The following DAB2IP variants were observed in gnomAD, a reference collection of about 807,000 sequenced individuals.
DAB2IP encodes DAB2 interacting protein.
Under a neutral mutation model 107.2 loss-of-function variants are expected in DAB2IP, and 28 were observed. The observed-to-expected ratio is 0.26, with a 90% CI of 0.19 to 0.36. DAB2IP has a LOEUF of 0.36. Among genes scored for constraint, DAB2IP ranks in the 10% least tolerant of loss-of-function variants. The pLI, the probability that DAB2IP is intolerant of heterozygous loss-of-function variation, is 1.00. For missense variants in DAB2IP, 1,400 were observed against 1,644.7 expected (o/e 0.85, Z 2.57); for synonymous variants, 755 against 706.4 (o/e 1.07, Z -1.09).
intron 11 of DAB2IP, among the ~76,000 whole-genome samples, chr9:121,771,213 C>G (rs1232314818): frequency 1.3e-5 from 2 of 152,178 alleles, no homozygotes; most frequent in Admixed American, 6.5e-5. Context: ...TAAAGTGATG[C>G]TGAGACCCAG....
chr9:121,689,094 A>G (rs1221712851), intron 2 of DAB2IP, among the ~76,000 whole-genome samples: 1 of 152,126 alleles, frequency 6.6e-6, no homozygotes, highest in Non-Finnish European at 1.5e-5. Context: ...GGAGTTCTAG[A>G]CCAGCATGGT....
intron 1 of DAB2IP, among the ~76,000 whole-genome samples, chr9:121,670,284 A>G (rs1833623921): frequency 1.3e-5 from 2 of 152,224 alleles, no homozygotes; most frequent in African/African-American, 4.8e-5. Flanking sequence ...GTAGTATTCC[A>G]TACTGTGTGT....
chr9:121,599,907 G>A lies in DAB2IP; in HGVS notation c.40+32679G>A, dbSNP rs1446138342. Among the ~76,000 whole-genome samples, 1 of 152,114 alleles carries A rather than the reference G, an allele frequency of 6.6e-6. No homozygotes were observed. Among genetic ancestry groups the A allele is most frequent in the Non-Finnish European group, 1.5e-5 (1 of 68,006 alleles). On this transcript the variant is annotated intron_variant, in intron 1 of 16. Transcript: ENST00000259371. This position sits in a 1 kb window ranked among gnomAD's most constrained non-coding sequence, Gnocchi z 6.9. The stretch of plus-strand genomic sequence containing the variant: ...GGACTGAGGAATGGGCGGCGACTTT[G>A]CTTTATTTACCCCGCTTTTCCCCTA...
chr9:121,744,375 G>T (rs1589625369), intron 3 of DAB2IP, among the ~76,000 whole-genome samples: 1 of 152,172 alleles, frequency 6.6e-6, no homozygotes. Context: ...CTTTGGTGTG[G>T]TAGCGTCTTT....
Position 121,651,595 on chromosome 9 carries a change from G to A in DAB2IP, c.-181G>A. 5.1e-6 allele frequency: 5 copies of A among 980,516 alleles called. No homozygotes were observed. The highest frequency in any genetic ancestry group is 6.2e-6 in the Non-Finnish European group (5 of 812,616). 60.7% of individuals were successfully genotyped at this position (980,516 alleles called of 1,614,324 possible). ...CCCCGCCGCGGGGCCGGCTGCTCGGGGAGCGGGAGGGGGCAGGAGGCGGAG... is the reference window on the plus strand; with the variant it reads ...CCCCGCCGCGGGGCCGGCTGCTCGGAGAGCGGGAGGGGGCAGGAGGCGGAG... On this transcript the variant is annotated 5_prime_UTR_variant, in exon 1 of 16. Transcript: ENST00000408936. This position sits in a 1 kb window ranked among gnomAD's most constrained non-coding sequence, Gnocchi z 5.1.
chr9:121,699,399 C>T lies in DAB2IP; in HGVS notation c.303C>T (p.Ser101=). ...AGCCCAAGCTGGACCGCAACCACAG[C>T]TTCCGCCACATCCTGCCGGGGTTCC... The change falls in exon 3 of 16, where the codon AGC becomes AGT. Residue 101 remains serine, a synonymous_variant. Transcript: ENST00000408936. The surrounding 1 kb of genome is among the most constrained non-coding windows in gnomAD (Gnocchi z 6.2). 6.8e-7 allele frequency: 1 copy of T among 1,478,524 alleles called. No individual in the cohort carries two copies. The highest frequency in any genetic ancestry group is 9.0e-7 in the Non-Finnish European group (1 of 1,105,502). 91.6% of individuals were successfully genotyped at this position (1,478,524 alleles called of 1,614,324 possible). A position where few individuals can be genotyped will look rare whatever the true frequency, so the allele number is the denominator to read the frequency against.
intron 1 of DAB2IP, among the ~76,000 whole-genome samples, chr9:121,585,440 T>C (rs1421005076): frequency 1.3e-5 from 2 of 152,150 alleles, no homozygotes; most frequent in African/African-American, 4.8e-5. Flanking sequence ...ATGTAATGAG[T>C]TGATACGGAT....
At chr9:121,728,029 G>A (rs1206158498) in intron 3 of DAB2IP, among the ~76,000 whole-genome samples, 1 of 152,202 alleles carries the variant, frequency 6.6e-6, no homozygotes, top group Non-Finnish European at 1.5e-5. Flanking sequence ...GTCTGCCTGG[G>A]TCTTTTTTGG....
At chr9:121,580,627 C>CTT (rs893587911) in intron 1 of DAB2IP, among the ~76,000 whole-genome samples, 1 of 146,604 alleles carries the variant, frequency 6.8e-6, no homozygotes. Flanking sequence ...CATCTAAGAA[C>CTT]TTTTTTTTTT....
chr9:121,675,334 A>G (rs1323913275), intron 1 of DAB2IP, among the ~76,000 whole-genome samples: 2 of 152,282 alleles, frequency 1.3e-5, no homozygotes, highest in South Asian at 2.1e-4. Flanking sequence ...TGGCAGGTAC[A>G]GCAAAGAGGG....
chr9:121,755,711 G>A (rs1382351650), intron 3 of DAB2IP, among the ~76,000 whole-genome samples: 1 of 152,188 alleles, frequency 6.6e-6, no homozygotes, highest in Non-Finnish European at 1.5e-5. Flanking sequence ...GGCTCTTCCT[G>A]CTCACCTCTG....
intron 2 of DAB2IP, among the ~76,000 whole-genome samples, chr9:121,688,478 C>G (rs894949913): frequency 1.3e-5 from 2 of 152,208 alleles, no homozygotes; most frequent in East Asian, 1.9e-4. Flanking sequence ...TTCAAGCCCC[C>G]CAGGCTGTCC....
intron 3 of DAB2IP, among the ~76,000 whole-genome samples, chr9:121,726,359 A>G (rs1831237264): frequency 6.6e-6 from 1 of 152,220 alleles, no homozygotes; most frequent in Non-Finnish European, 1.5e-5. Context: ...ACCTCTCCCT[A>G]TGCATCTTTT....
intron 3 of DAB2IP, chr9:121,751,971 CATGGAGGACAGGTA>C (rs1833150003): frequency 1.0e-6 from 1 of 985,464 alleles, no homozygotes; most frequent in South Asian, 4.7e-5. Context: ...GATTCCATGC[CATGGAGGACAGGTA>C]AAGGGTCTCT....
intron 1 of DAB2IP, among the ~76,000 whole-genome samples, chr9:121,594,787 A>C (rs533557680): frequency 6.6e-6 from 1 of 152,316 alleles, no homozygotes; most frequent in East Asian, 1.9e-4. Flanking sequence ...AGCAAGGTGC[A>C]ACAATCTACA....
At position 121,684,430 on chromosome 9, in the gene DAB2IP, C is replaced by G. The variant is rs12343572; in HGVS notation, c.228+5649C>G. ...AGCACCTGGATATCAGCCACCCCGT[C>G]TGAGCTGAGCCCTTCTCCCAGCCCC... On this transcript the variant is annotated intron_variant, in intron 2 of 15. Transcript: ENST00000408936. The surrounding 1 kb of genome is among the most constrained non-coding windows in gnomAD (Gnocchi z 4.0). Among the ~76,000 whole-genome samples, 8,250 of 152,252 alleles carry G rather than the reference C, an allele frequency of 0.054. 533 individuals carry two copies. The highest frequency in any genetic ancestry group is 0.17 in the East Asian group (858 of 5,166).
chr9:121,774,867 T>C (rs568289162), intron 13 of DAB2IP, among the ~76,000 whole-genome samples: 17 of 152,228 alleles, frequency 1.1e-4, no homozygotes, highest in South Asian at 8.3e-4. Context: ...CCCCAAGGCT[T>C]GTGCCTGCCC....
chr9:121,689,262 C>G (rs1402966564), intron 2 of DAB2IP, among the ~76,000 whole-genome samples: 2 of 150,984 alleles, frequency 1.3e-5, no homozygotes, highest in African/African-American at 2.4e-5. Flanking sequence ...CCACTACACT[C>G]TAGCCTGGGT....
chr9:121,759,760 G>C, intron 5 of DAB2IP, 125 bp from the exon 6 acceptor site: 1 of 811,116 alleles, frequency 1.2e-6, no homozygotes, highest in Non-Finnish European at 1.9e-6. Flanking sequence ...TAGGGCCTAG[G>C]CGCCCGCTGC....
Sources: gnomAD v4.1 joint callset for allele counts (sites outside exome capture counted in the v4.1 genomes callset) on GRCh38, gnomAD v4.1.1 for gene constraint, Gnocchi (gnomAD v3.1) non-coding constraint, MANE v1.5 for transcripts, NCBI Gene and HGNC (gene_info 2026-07-23, HGNC 2026-07-21) for gene names.